Variants in PRADC1 observed in about 807,000 individuals in gnomAD.
PRADC1 encodes protease-associated domain-containing protein 1.
PRADC1 carries 23 observed loss-of-function variants against 22.9 expected under a neutral mutation model. The ratio of observed to expected loss-of-function variants is 1.00; its 90% CI spans 0.72 to 1.42. The LOEUF (loss-of-function observed/expected upper bound fraction) is 1.42. Among genes scored for constraint, PRADC1 ranks in the 40% most tolerant of loss-of-function variants. PRADC1 has a pLI of 0.00. For missense variants in PRADC1, 207 were observed against 258.3 expected (o/e 0.80, Z 1.36); for synonymous variants, 71 against 100.3 (o/e 0.71, Z 1.75).
chr2:73,228,323 G>T lies in PRADC1; in HGVS notation c.*131C>A. ...GTGGCTTCCCTTTCAGCCTAGCAACGCCCAAACCCTTTTCCTCTACCTGGC... is the reference window on the plus strand; with the variant it reads ...GTGGCTTCCCTTTCAGCCTAGCAACTCCCAAACCCTTTTCCTCTACCTGGC... On this transcript the variant is annotated 3_prime_UTR_variant, in exon 5 of 5. Coordinates refer to ENST00000258083, the MANE Select transcript of PRADC1 (RefSeq NM_032319.3). This position sits in a 1 kb window ranked among gnomAD's most constrained non-coding sequence, Gnocchi z 4.0. The T allele has an allele frequency of 8.3e-7, 1 of 1,197,892 alleles. No individual in the cohort carries two copies. The highest frequency in any genetic ancestry group is 1.2e-6 in the Non-Finnish European group (1 of 846,806). The allele number at this position is 1,197,892 out of a possible 1,614,324, so 74.2% of individuals were successfully genotyped here. A position where few individuals can be genotyped will look rare whatever the true frequency, so the allele number is the denominator to read the frequency against.
In PRADC1 at chr2:73,228,585, A is replaced by G; in HGVS notation, c.447-11T>C. On this transcript the variant is annotated splice_polypyrimidine_tract_variant and intron_variant, in intron 4 of 4. Coordinates refer to ENST00000258083, the MANE Select transcript of PRADC1 (RefSeq NM_032319.3). The surrounding 1 kb of genome is among the most constrained non-coding windows in gnomAD (Gnocchi z 4.0). ...CGGCGGATCATGTAGCTGGGAGGGC[A>G]TGAAGAGAGGTGGTGACGGTCACTT... The G allele has an allele frequency of 6.2e-7, 1 of 1,613,990 alleles. No homozygotes were observed. The highest frequency in any genetic ancestry group is 2.2e-5 in the East Asian group (1 of 44,882).
At chr2:73,229,757 C>G (rs1174640694) in intron 2 of PRADC1, 187 bp from the exon 3 acceptor site, 1 of 603,138 alleles carries the variant, frequency 1.7e-6, no homozygotes, top group African/African-American at 1.9e-5. Context: ...TTGTCCTACA[C>G]CACCCTACCC....
At chr2:73,232,839 C>A (rs1441322312) in intron 1 of PRADC1, among the ~76,000 whole-genome samples, 1 of 152,134 alleles carries the variant, frequency 6.6e-6, no homozygotes, top group African/African-American at 2.4e-5. Context: ...CCTGGGTCGG[C>A]GCTAGTGGGC....
rs1686556136 is a variant in PRADC1, at chr2:73,228,352, A to C, written c.*102T>G. 1 of 1,459,712 alleles carries C rather than the reference A, an allele frequency of 6.9e-7. No individual in the cohort carries two copies. 90.4% of individuals were successfully genotyped at this position (1,459,712 alleles called of 1,614,324 possible). On this transcript the variant is annotated 3_prime_UTR_variant, in exon 5 of 5. Coordinates refer to ENST00000258083, the MANE Select transcript of PRADC1 (RefSeq NM_032319.3). The surrounding 1 kb of genome is among the most constrained non-coding windows in gnomAD (Gnocchi z 4.0). ...AAACCCTTTTCCTCTACCTGGCTCC[A>C]CTTGTCCCCAGATGCTATCTCCAAA...
At position 73,228,524 on chromosome 2, in the gene PRADC1, A is replaced by C; in HGVS notation, c.497T>G (p.Ile166Ser). 6.2e-7 allele frequency: 1 copy of C among 1,614,216 alleles called. No individual in the cohort carries two copies. Among genetic ancestry groups the C allele is most frequent in the Non-Finnish European group, 8.5e-7 (1 of 1,180,036 alleles). Residue 166 changes from isoleucine (I) to serine (S), a missense_variant, in exon 5 of 5, where the codon ATT becomes AGT. By Grantham distance (142) the Ile-to-Ser change is moderately radical. Coordinates refer to ENST00000258083, the MANE Select transcript of PRADC1 (RefSeq NM_032319.3). This position sits in a 1 kb window ranked among gnomAD's most constrained non-coding sequence, Gnocchi z 4.0. ...GCTGGTGACATTGACTGGGATGGAA[A>C]TGATGGCCCATGGCAGCCCATGCTG... ...LEQHGLPWAI[I>S]SIPVNVTSIP... is the part of the protein sequence containing the mutation.
chr2:73,229,598 T>G, intron 2 of PRADC1, 28 bp from the exon 3 acceptor site: 1 of 1,572,846 alleles, frequency 6.4e-7, no homozygotes, highest in Non-Finnish European at 8.8e-7. Context: ...TTTGGACAGG[T>G]GAGAGTGTAA....
In PRADC1 at chr2:73,232,970, C is replaced by A; in HGVS notation, c.67+124G>T. 4 of 1,176,568 alleles carry A rather than the reference C, an allele frequency of 3.4e-6. 1 individual carries two copies. The South Asian group carries it at 4.5e-5, about 13-fold the overall frequency. The allele number at this position is 1,176,568 out of a possible 1,614,324, so 72.9% of individuals were successfully genotyped here. ...CACCCACTTATTCCGGCCGCCCGCT[C>A]CCAGACCTGTCCTGCTCTGAACTCG... On this transcript the variant is annotated intron_variant, in intron 1 of 4. Transcript: ENST00000258083.
chr2:73,228,494 G>A lies in PRADC1; in HGVS notation c.527C>T (p.Pro176Leu), dbSNP rs773005066. 1.2e-6 allele frequency: 2 copies of A among 1,614,222 alleles called. No homozygotes were observed. The highest frequency in any genetic ancestry group is 1.7e-6 in the Non-Finnish European group (2 of 1,180,040). ...ISIPVNVTSIPTFELLQPPWT... is the reference protein window; with the variant it reads ...ISIPVNVTSILTFELLQPPWT... ...GGGCGGTTGCAGCAGCTCAAAGGTG[G>A]GGATGCTGGTGACATTGACTGGGAT... The change falls in exon 5 of 5, where the codon CCC (proline) becomes CTC (leucine). Residue 176 changes from proline (P) to leucine (L), a missense_variant. Transcript: ENST00000258083. This position sits in a 1 kb window ranked among gnomAD's most constrained non-coding sequence, Gnocchi z 4.0.
chr2:73,228,536 G>C lies in PRADC1; in HGVS notation c.485C>G (p.Pro162Arg). The change falls in exon 5 of 5, where the codon CCA (proline) becomes CGA (arginine). Residue 162 changes from proline to arginine, a missense_variant. Transcript: ENST00000258083. The surrounding 1 kb of genome is among the most constrained non-coding windows in gnomAD (Gnocchi z 4.0). ...IRRSLEQHGL[P>R]WAIISIPVNV... is the part of the protein sequence containing the mutation. ...GACTGGGATGGAAATGATGGCCCAT[G>C]GCAGCCCATGCTGTTCCAGAGAGCG... 6.2e-7 allele frequency: 1 copy of C among 1,614,212 alleles called. No homozygotes were observed. Among genetic ancestry groups the C allele is most frequent in the African/African-American group, 1.3e-5 (1 of 75,062 alleles).
At position 73,228,626 on chromosome 2, in the gene PRADC1, A is replaced by G; in HGVS notation, c.447-52T>C. 6.2e-7 allele frequency: 1 copy of G among 1,613,132 alleles called. No individual in the cohort carries two copies. The highest frequency in any genetic ancestry group is 8.5e-7 in the Non-Finnish European group (1 of 1,179,682). ...ACGGTCACTTTCTTGGTACCCCATC[A>G]TGCCCCACTGTCCCCATCAATCTGG... On this transcript the variant is annotated intron_variant, in intron 4 of 4. Coordinates refer to ENST00000258083, the MANE Select transcript of PRADC1 (RefSeq NM_032319.3). This position sits in a 1 kb window ranked among gnomAD's most constrained non-coding sequence, Gnocchi z 4.0.
rs376501024 is a variant in PRADC1, at chr2:73,232,372, A to T, written c.67+722T>A. Among the ~76,000 whole-genome samples the T allele has an allele frequency of 2.3e-4, 35 of 152,144 alleles. 1 individual carries two copies. In the South Asian group the frequency reaches 7.0e-3, roughly 31 times the overall value. On this transcript the variant is annotated intron_variant, in intron 1 of 4. Coordinates refer to ENST00000258083, the MANE Select transcript of PRADC1 (RefSeq NM_032319.3). ...AAAAGAAAAAAAGAAAACTGCTGTC[A>T]CAAGTCTGTTAGTCTATCAACAAAC...
At chr2:73,233,247 C>T (rs1047325899), upstream of PRADC1, 1 of 898,910 alleles carries the variant, frequency 1.1e-6, no homozygotes, top group Non-Finnish European at 1.5e-6. Context: ...GACAGCTGCT[C>T]CGGCCTCCCG....
chr2:73,230,021 C>T (rs565985794), intron 2 of PRADC1, 92 bp downstream of exon 2: 1 of 890,008 alleles, frequency 1.1e-6, no homozygotes, highest in East Asian at 2.5e-5. Flanking sequence ...CTTCCCTGTC[C>T]CAGCACTCAG....
chr2:73,229,948 G>A, intron 2 of PRADC1, 165 bp downstream of exon 2: 1 of 620,012 alleles, frequency 1.6e-6, no homozygotes, highest in Non-Finnish European at 2.9e-6. Flanking sequence ...ATACTCAGGG[G>A]AGTAGCTGGA....
chr2:73,229,418 G>A (rs555047089), intron 3 of PRADC1, 43 bp downstream of exon 3: 25 of 1,243,244 alleles, frequency 2.0e-5, no homozygotes, highest in East Asian at 6.9e-5. Context: ...AGAATCTGCC[G>A]TATGCCTGCC....
At position 73,228,480 on chromosome 2, in the gene PRADC1, G is replaced by A. The variant is rs778921896; in HGVS notation, c.541C>T (p.Leu181=). ...NVTSIPTFEL[L]QPPWTFW is the part of the protein sequence containing the mutation. ...TACCAGAAGGTCCAGGGCGGTTGCA[G>A]CAGCTCAAAGGTGGGGATGCTGGTG... Residue 181 remains leucine (L), a synonymous_variant, in exon 5 of 5, where the codon CTG becomes TTG. Coordinates refer to ENST00000258083, the MANE Select transcript of PRADC1 (RefSeq NM_032319.3). This position sits in a 1 kb window ranked among gnomAD's most constrained non-coding sequence, Gnocchi z 4.0. The A allele has an allele frequency of 6.2e-7, 1 of 1,614,232 alleles. No homozygotes were observed. Among genetic ancestry groups the A allele is most frequent in the Non-Finnish European group, 8.5e-7 (1 of 1,180,044 alleles).
chr2:73,231,150 C>T (rs943524092), intron 1 of PRADC1, among the ~76,000 whole-genome samples: 3 of 152,210 alleles, frequency 2.0e-5, no homozygotes, highest in African/African-American at 4.8e-5. Context: ...GACGGAGTCT[C>T]GCTCTGTCAC....
At chr2:73,229,891 T>G (rs112596437) in intron 2 of PRADC1, 4 of 587,642 alleles carry the variant, frequency 6.8e-6, no homozygotes, top group South Asian at 2.1e-5. Flanking sequence ...TCACTTCATG[T>G]CCCCTAAAAA....
At chr2:73,232,747 G>A (rs1686683586) in intron 1 of PRADC1, among the ~76,000 whole-genome samples, 1 of 152,202 alleles carries the variant, frequency 6.6e-6, no homozygotes, top group African/African-American at 2.4e-5. Flanking sequence ...GTGTGCTCCT[G>A]TGTACATGTG....
Sources: allele counts gnomAD v4.1 joint callset (sites outside exome capture counted in the v4.1 genomes callset), GRCh38; gene constraint gnomAD v4.1.1; non-coding constraint Gnocchi (gnomAD v3.1); transcripts MANE v1.5; gene names NCBI Gene and HGNC (gene_info 2026-07-23, HGNC 2026-07-21).